Variants in MARCHF1 observed in about 807,000 individuals in gnomAD.
MARCHF1 encodes the protein E3 ubiquitin-protein ligase MARCHF1.
In MARCHF1, 40 loss-of-function variants were observed where a neutral mutation model predicts 54.2. The observed-to-expected ratio is 0.74, with a 90% CI of 0.57 to 0.96. The LOEUF is 0.96. MARCHF1 is among the 40% of genes least tolerant of loss of function. The pLI, the probability that MARCHF1 is intolerant of heterozygous loss-of-function variation, is 0.00. For missense variants in MARCHF1, 586 were observed against 656.5 expected (o/e 0.89, Z 1.17); for synonymous variants, 236 against 236.3 (o/e 1.00, Z 0.01).
At chr4:164,081,232 A>AAAAAAAAAAAAAC (rs1755094593) in intron 2 of MARCHF1, among the ~76,000 whole-genome samples, 1 of 143,536 alleles carries the variant, frequency 7.0e-6, no homozygotes, top group East Asian at 1.9e-4. Context: ...AAAAAAAAAA[A>AAAAAAAAAAAAAC]AAAAAGAAAT....
intron 3 of MARCHF1, among the ~76,000 whole-genome samples, chr4:163,971,947 C>A (rs1168261971): frequency 6.6e-6 from 1 of 152,098 alleles, no homozygotes; most frequent in African/African-American, 2.4e-5. Flanking sequence ...TGGAACCAAC[C>A]CAAATGTCCA....
intron 1 of MARCHF1, among the ~76,000 whole-genome samples, chr4:164,172,373 T>A (rs1305725076): frequency 6.6e-6 from 1 of 152,222 alleles, no homozygotes; most frequent in South Asian, 2.1e-4. Context: ...AATTTACTTA[T>A]CTTACTTATC....
At chr4:163,613,611 T>C in intron 5 of MARCHF1, 1 of 1,439,894 alleles carries the variant, frequency 6.9e-7, no homozygotes, top group South Asian at 1.6e-5. Flanking sequence ...GCTATTTTGC[T>C]GTTACTTCAT....
At chr4:163,587,403 G>A (rs561614797) in intron 7 of MARCHF1, among the ~76,000 whole-genome samples, 2 of 152,312 alleles carry the variant, frequency 1.3e-5, no homozygotes, top group East Asian at 1.9e-4. Context: ...TAAAGAAAAT[G>A]TGGCACATTT....
chr4:163,845,291 CA>C (rs1749451861), intron 4 of MARCHF1, among the ~76,000 whole-genome samples: 2 of 152,096 alleles, frequency 1.3e-5, no homozygotes, highest in African/African-American at 4.8e-5. Context: ...TTTCCAGTTA[CA>C]ATTTTTATTC....
chr4:164,114,059 C>T (rs956164874), intron 1 of MARCHF1, among the ~76,000 whole-genome samples: 1 of 151,800 alleles, frequency 6.6e-6, no homozygotes, highest in Admixed American at 6.6e-5. Flanking sequence ...AGTTGGTAAA[C>T]TAAAGATTTG....
intron 3 of MARCHF1, among the ~76,000 whole-genome samples, chr4:163,949,662 C>G (rs1046623137): frequency 1.3e-5 from 2 of 152,152 alleles, no homozygotes; most frequent in East Asian, 1.9e-4. Context: ...GGTAGCTTCT[C>G]TCTCCAGGCT....
chr4:163,678,925 T>C (rs1744004397), intron 5 of MARCHF1, among the ~76,000 whole-genome samples: 1 of 152,198 alleles, frequency 6.6e-6, no homozygotes, highest in African/African-American at 2.4e-5. Context: ...TTTGATGGTT[T>C]TAAGCAACAT....
intron 4 of MARCHF1, among the ~76,000 whole-genome samples, chr4:163,811,249 GTGGCACTAAACATTGTT>G (rs2111011196): frequency 1.9e-5 from 1 of 51,512 alleles, no homozygotes; most frequent in South Asian, 9.7e-4. Context: ...AAGATTTTTA[GTGGCACTAAACATTGTT>G]TAGTGGCACT....
intron 1 of MARCHF1, among the ~76,000 whole-genome samples, chr4:164,177,958 A>C (rs1028889005): frequency 1.3e-5 from 2 of 152,106 alleles, no homozygotes; most frequent in African/African-American, 4.8e-5. Flanking sequence ...ACCATCATGA[A>C]CCTGAGGTAC....
chr4:163,751,434 A>C (rs78518452), intron 4 of MARCHF1, among the ~76,000 whole-genome samples: 3,795 of 151,784 alleles, frequency 0.025, 134 homozygotes, highest in African/African-American at 0.08. Flanking sequence ...AAGGGAATCA[A>C]ACCACCATTT....
intron 4 of MARCHF1, among the ~76,000 whole-genome samples, chr4:163,807,538 A>C (rs1362368060): frequency 6.6e-6 from 1 of 152,166 alleles, no homozygotes; most frequent in African/African-American, 2.4e-5. Flanking sequence ...GACAAAGTAG[A>C]GGTAATTCAA....
intron 1 of MARCHF1, among the ~76,000 whole-genome samples, chr4:164,186,630 A>T (rs1341114988): frequency 6.6e-6 from 1 of 152,222 alleles, no homozygotes; most frequent in Non-Finnish European, 1.5e-5. Flanking sequence ...GATTTTGCTC[A>T]GATCTGTCTT....
At chr4:163,857,820 G>C (rs1430260821) in intron 3 of MARCHF1, among the ~76,000 whole-genome samples, 1 of 151,970 alleles carries the variant, frequency 6.6e-6, no homozygotes, top group African/African-American at 2.4e-5. Context: ...GCAACCTTTG[G>C]TACAGAGAGA....
chr4:164,211,742 G>A (rs1731780268), intron 1 of MARCHF1, among the ~76,000 whole-genome samples: 1 of 151,964 alleles, frequency 6.6e-6, no homozygotes, highest in African/African-American at 2.4e-5. Flanking sequence ...AAAGTAGTAG[G>A]TACGGATGCC....
At chr4:164,295,447 AACACACAC>A (rs5863675) in intron 1 of MARCHF1, among the ~76,000 whole-genome samples, 3 of 150,692 alleles carry the variant, frequency 2.0e-5, no homozygotes, top group Non-Finnish European at 4.4e-5. Context: ...CATACACACA[AACACACAC>A]ACACACACAC....
intron 1 of MARCHF1, among the ~76,000 whole-genome samples, chr4:164,125,744 G>T (rs1257802052): frequency 6.6e-6 from 1 of 152,200 alleles, no homozygotes; most frequent in Non-Finnish European, 1.5e-5. Context: ...CAGCAGACAA[G>T]TCAGCATTAC....
rs143693588 is a variant in MARCHF1 at position 164,148,964 on chromosome 4, G to A, written c.-322-37302C>T. Among the ~76,000 whole-genome samples, 937 of 152,268 alleles carry A rather than the reference G, an allele frequency of 6.2e-3. 7 individuals carry two copies. Among genetic ancestry groups the A allele is most frequent in the Non-Finnish European group, 0.01 (714 of 68,014 alleles). On this transcript the variant is annotated intron_variant, in intron 1 of 9. Transcript: ENST00000514618. ...CTCATGTTGAAAGATAACCTCCAATGTTGGAGGTGGGCCTAATGGCAGGTG... is the reference window on the plus strand; with the variant it reads ...CTCATGTTGAAAGATAACCTCCAATATTGGAGGTGGGCCTAATGGCAGGTG...
At chr4:164,134,943 C>T (rs964771010) in intron 1 of MARCHF1, among the ~76,000 whole-genome samples, 1 of 151,914 alleles carries the variant, frequency 6.6e-6, no homozygotes, top group Non-Finnish European at 1.5e-5. Context: ...TGGACAATAT[C>T]GTCAAAATTA....
Sources: allele counts gnomAD v4.1 joint callset (sites outside exome capture counted in the v4.1 genomes callset), GRCh38; gene constraint gnomAD v4.1.1; transcripts MANE v1.5; gene names NCBI Gene and HGNC (gene_info 2026-07-23, HGNC 2026-07-21).